MAGI2: variants seen among roughly 807,000 people sequenced by gnomAD.
MAGI2 encodes the protein membrane-associated guanylate kinase, WW and PDZ domain-containing protein 2.
In MAGI2, 35 loss-of-function variants were observed where a neutral mutation model predicts 133.3. The ratio of observed to expected loss-of-function variants is 0.26; its 90% CI spans 0.20 to 0.35. MAGI2 has a LOEUF of 0.35. MAGI2 is among the 10% of genes least tolerant of loss of function. MAGI2 has a pLI of 1.00. For synonymous variants in MAGI2, 729 were observed against 710.6 expected, an observed-to-expected ratio of 1.03 and a Z score of -0.41; for missense variants, 1,636 against 1,863.4, an observed-to-expected ratio of 0.88 and a Z score of 2.25.
intron 1 of MAGI2, among the ~76,000 whole-genome samples, chr7:79,038,910 C>T (rs866556034): frequency 6.6e-6 from 1 of 152,182 alleles, no homozygotes; most frequent in African/African-American, 2.4e-5. Flanking sequence ...ACCACAGAGG[C>T]AGAATCCACT....
chr7:78,990,905 TACACAC>T (rs140828645), intron 2 of MAGI2, among the ~76,000 whole-genome samples: 4,790 of 141,464 alleles, frequency 0.034, 257 homozygotes, highest in East Asian at 0.18. Flanking sequence ...TATATGTACA[TACACAC>T]ACACACACAC....
At chr7:78,144,749 G>C (rs1462837329) in intron 16 of MAGI2, among the ~76,000 whole-genome samples, 1 of 152,134 alleles carries the variant, frequency 6.6e-6, no homozygotes, top group Non-Finnish European at 1.5e-5. Flanking sequence ...TTCTGATTCA[G>C]TTTTTATTTA....
At chr7:79,392,925 G>T (rs1455214002) in intron 1 of MAGI2, among the ~76,000 whole-genome samples, 1 of 152,074 alleles carries the variant, frequency 6.6e-6, no homozygotes, top group African/African-American at 2.4e-5. Context: ...GAACAAAAAT[G>T]ATTTTAACAC....
At chr7:78,865,999 G>C (rs953883956) in intron 2 of MAGI2, among the ~76,000 whole-genome samples, 1 of 152,040 alleles carries the variant, frequency 6.6e-6, no homozygotes, top group Admixed American at 6.5e-5. Context: ...TTGACAATTT[G>C]TTTCTTAGAA....
intron 1 of MAGI2, among the ~76,000 whole-genome samples, chr7:79,235,660 G>A (rs910074290): frequency 1.1e-4 from 17 of 152,220 alleles, no homozygotes; most frequent in Admixed American, 2.6e-4. Context: ...GCTCGCGCAC[G>A]GTGCGCGCAC....
At chr7:78,645,113 T>C (rs1367578720) in intron 2 of MAGI2, among the ~76,000 whole-genome samples, 8 of 149,248 alleles carry the variant, frequency 5.4e-5, no homozygotes, top group South Asian at 4.2e-4. Context: ...TGTGTGTGCG[T>C]GTGTGTGTGT....
chr7:78,826,920 T>C (rs913728199), intron 2 of MAGI2, among the ~76,000 whole-genome samples: 3 of 151,962 alleles, frequency 2.0e-5, no homozygotes, highest in South Asian at 2.1e-4. Flanking sequence ...GAATTGCAAA[T>C]AGTAAAAGCC....
chr7:78,070,127 ATATATGTGTGTG>A, intron 21 of MAGI2, among the ~76,000 whole-genome samples: 1 of 39,858 alleles, frequency 2.5e-5, no homozygotes, highest in East Asian at 2.1e-3. Context: ...ACACACACAC[ATATATGTGTGTG>A]TATATATATA....
At chr7:78,151,570 A>G (rs1823874819) in intron 16 of MAGI2, among the ~76,000 whole-genome samples, 1 of 152,084 alleles carries the variant, frequency 6.6e-6, no homozygotes, top group African/African-American at 2.4e-5. Flanking sequence ...CAGCTTCCCT[A>G]CCCCTGACTT....
chr7:78,334,796 A>C (rs924715087), intron 9 of MAGI2, among the ~76,000 whole-genome samples: 27 of 152,318 alleles, frequency 1.8e-4, no homozygotes, highest in Middle Eastern at 6.8e-3. Flanking sequence ...TTTAACAAGG[A>C]CTTTAAAATA....
chr7:78,308,703 C>A (rs984852590), intron 9 of MAGI2, among the ~76,000 whole-genome samples: 4 of 152,086 alleles, frequency 2.6e-5, no homozygotes, highest in Non-Finnish European at 5.9e-5. Context: ...AGGTAGCAAC[C>A]TCCTTAGGTC....
intron 10 of MAGI2, among the ~76,000 whole-genome samples, chr7:78,227,850 TTGTGTGTGTG>T (rs3085614): frequency 4.9e-4 from 71 of 145,652 alleles, no homozygotes; most frequent in African/African-American, 1.4e-3. Context: ...TCTTACTCAG[TTGTGTGTGTG>T]TGTGTGTGTG....
In MAGI2 at chr7:78,019,698, C is replaced by T. The variant is rs1808124775; in HGVS notation, c.3985G>A (p.Glu1329Lys). ...CGCCCCTGGCCGCCGGGCGCCTCCT[C>T]GAGCCTCGGCCGCGCGGCCCTCTGC... ...SPQRAARPRLEEAPGGQGRPE... is the reference protein window; with the variant it reads ...SPQRAARPRLKEAPGGQGRPE... Residue 1329 changes from glutamate to lysine, a missense_variant, in exon 22 of 22, where the codon GAG becomes AAG. By Grantham distance (56) the Glu-to-Lys change is moderately conservative (BLOSUM62 1). Transcript: ENST00000354212. 7.8e-6 allele frequency: 12 copies of T among 1,543,604 alleles called. No individual in the cohort carries two copies. Among genetic ancestry groups the T allele is most frequent in the Non-Finnish European group, 9.5e-6 (11 of 1,153,656 alleles).
At chr7:78,745,493 G>A (rs779168598) in intron 2 of MAGI2, among the ~76,000 whole-genome samples, 1 of 151,882 alleles carries the variant, frequency 6.6e-6, no homozygotes, top group Non-Finnish European at 1.5e-5. Flanking sequence ...TGGTCAAGGT[G>A]TGTGCTTTCT....
chr7:79,067,800 A>AT (rs1814521076), intron 1 of MAGI2, among the ~76,000 whole-genome samples: 1 of 152,128 alleles, frequency 6.6e-6, no homozygotes, highest in Non-Finnish European at 1.5e-5. Context: ...GTTTATTGAG[A>AT]TTTTTTAGCA....
intron 1 of MAGI2, among the ~76,000 whole-genome samples, chr7:79,236,999 T>C (rs1461817939): frequency 6.6e-6 from 1 of 152,068 alleles, no homozygotes; most frequent in African/African-American, 2.4e-5. Context: ...GAGCAACGAG[T>C]GTGCCACTGC....
At chr7:78,907,286 A>C (rs1798061221) in intron 2 of MAGI2, among the ~76,000 whole-genome samples, 1 of 152,158 alleles carries the variant, frequency 6.6e-6, no homozygotes, top group South Asian at 2.1e-4. Context: ...CAGATGTTAA[A>C]TCATTCTTCT....
At chr7:78,999,813 G>A (rs1194514515) in intron 2 of MAGI2, among the ~76,000 whole-genome samples, 1 of 152,118 alleles carries the variant, frequency 6.6e-6, no homozygotes, top group East Asian at 1.9e-4. Context: ...GGTTAACACT[G>A]CTAACAACCA....
chr7:78,330,313 G>A (rs1368049170), intron 9 of MAGI2, among the ~76,000 whole-genome samples: 1 of 152,104 alleles, frequency 6.6e-6, no homozygotes, highest in Non-Finnish European at 1.5e-5. Context: ...TCAGACTAGT[G>A]CTGCATAGAA....
Sources: allele counts gnomAD v4.1 joint callset (sites outside exome capture counted in the v4.1 genomes callset), GRCh38; gene constraint gnomAD v4.1.1; transcripts MANE v1.5; gene names NCBI Gene and HGNC (gene_info 2026-07-23, HGNC 2026-07-21).